The following LPIN2 variants were observed in gnomAD, a reference collection of about 807,000 sequenced individuals.
LPIN2 encodes the protein lipin 2, also known as phosphatidate phosphatase LPIN2.
Under a neutral mutation model 111.4 loss-of-function variants are expected in LPIN2, and 55 were observed. That is an observed-to-expected ratio of 0.49 (90% CI 0.40 to 0.62). LPIN2 has a LOEUF of 0.62. LPIN2 is among the 20% of genes least tolerant of loss of function. The pLI, the probability that LPIN2 is intolerant of heterozygous loss-of-function variation, is 0.00. For missense variants in LPIN2, 992 were observed against 1,112.1 expected, an observed-to-expected ratio of 0.89 and a Z score of 1.54; for synonymous variants, 425 against 414.0, an observed-to-expected ratio of 1.03 and a Z score of -0.32.
At chr18:2,955,939 C>G (rs992572018) in intron 2 of LPIN2, among the ~76,000 whole-genome samples, 1 of 151,966 alleles carries the variant, frequency 6.6e-6, no homozygotes, top group African/African-American at 2.4e-5. Flanking sequence ...CAAAACAAAA[C>G]AAAAACAAAC....
intron 1 of LPIN2, among the ~76,000 whole-genome samples, chr18:2,999,621 A>G (rs563434313): frequency 7.7e-4 from 116 of 150,432 alleles, no homozygotes; most frequent in African/African-American, 2.8e-3. Flanking sequence ...AAAAAAAAAA[A>G]GAGGAAATCT....
intron 1 of LPIN2, among the ~76,000 whole-genome samples, chr18:2,965,089 T>C (rs1212862635): frequency 2.6e-5 from 4 of 151,768 alleles, no homozygotes; most frequent in African/African-American, 7.3e-5. Context: ...CTAGATTAAG[T>C]ATTGGGAGCT....
chr18:2,937,960 T>G lies in LPIN2; in HGVS notation c.900A>C (p.Val300=). Residue 300 remains valine (V), a synonymous_variant, in exon 7 of 20, where the codon GTA becomes GTC. Coordinates refer to ENST00000677752, the MANE Select transcript of LPIN2 (RefSeq NM_001375808.2). ...TGATGAGGTTGTCCTCACTGGGAAT[T>G]ACCCGAAAATGAGTATTTTCTGATG... is the stretch of plus-strand genomic sequence containing the variant. ...ITPSENTHFR[V]IPSEDNLISE... 6.2e-7 allele frequency: 1 copy of G among 1,614,180 alleles called. No homozygotes were observed. The highest frequency in any genetic ancestry group is 8.5e-7 in the Non-Finnish European group (1 of 1,180,014).
Position 2,931,272 on chromosome 18 carries a change from A to C in LPIN2, c.1440T>G (p.Asn480Lys). The change falls in exon 9 of 20, where the codon AAT becomes AAG. Residue 480 changes from asparagine to lysine, a missense_variant. This residue lies in a region of LPIN2 where 709 missense variants were observed against 753.2 expected (regional missense o/e 0.94). Coordinates refer to ENST00000677752, the MANE Select transcript of LPIN2 (RefSeq NM_001375808.2). ...CCAACGTACCTTTTGAAATTTCTCC[A>C]TTTTCACTGAGGCCCCCGCAAAGGG... ...TLSLCGGLSE[N>K]GEISKEKFME... 1 of 1,614,082 alleles carries C rather than the reference A, an allele frequency of 6.2e-7. No individual in the cohort carries two copies. The highest frequency in any genetic ancestry group is 2.2e-5 in the East Asian group (1 of 44,874).
At chr18:2,987,811 G>A (rs1342081667) in intron 1 of LPIN2, among the ~76,000 whole-genome samples, 2 of 151,882 alleles carry the variant, frequency 1.3e-5, no homozygotes, top group African/African-American at 4.8e-5. Context: ...AATCCAGGAG[G>A]GTGGATCACT....
chr18:2,967,165 TTGAGA>T (rs1011716854), intron 1 of LPIN2: 4 of 152,158 alleles, frequency 2.6e-5, no homozygotes, highest in Non-Finnish European at 5.9e-5. Context: ...AAATTTGAGA[TTGAGA>T]TAAGAGGTGT....
In LPIN2 at chr18:2,939,551, G is replaced by C; in HGVS notation, c.751C>G (p.Pro251Ala). The C allele has an allele frequency of 2.5e-6, 4 of 1,614,072 alleles. No homozygotes were observed. ...TCTGATCTGAGCAGGCTCTCCGCAG[G>C]TTTCACCTCCAGCTCTGAATCACTC... ...PKSDSELEVK[P>A]AESLLRSESH... The change falls in exon 6 of 20, where the codon CCT (proline) becomes GCT (alanine). Residue 251 changes from proline to alanine, a missense_variant. Pro to Ala is a conservative substitution (Grantham distance 27). This residue lies in a region of LPIN2 where 709 missense variants were observed against 753.2 expected (regional missense o/e 0.94). Transcript: ENST00000677752.
chr18:2,960,514 TAAA>T (rs376940122), intron 2 of LPIN2, 132 bp downstream of exon 2: 186 of 737,586 alleles, frequency 2.5e-4, no homozygotes, highest in Non-Finnish European at 3.1e-4. Context: ...TCATTCAGGT[TAAA>T]AAAAAAAAAA....
chr18:3,010,984 G>A (rs1444169646), intron 1 of LPIN2, among the ~76,000 whole-genome samples: 1 of 152,136 alleles, frequency 6.6e-6, no homozygotes, highest in Non-Finnish European at 1.5e-5. Flanking sequence ...CCAGGTCACT[G>A]GTAAGGACAA....
At chr18:2,987,625 T>TG (rs1322374417) in intron 1 of LPIN2, among the ~76,000 whole-genome samples, 1 of 152,178 alleles carries the variant, frequency 6.6e-6, no homozygotes, top group Non-Finnish European at 1.5e-5. Context: ...AAACTGGTGA[T>TG]GGTTGTTTAA....
At chr18:2,974,980 C>A (rs998728660) in intron 1 of LPIN2, among the ~76,000 whole-genome samples, 6 of 152,160 alleles carry the variant, frequency 3.9e-5, no homozygotes, top group African/African-American at 1.4e-4. Context: ...GCCTAGGCAA[C>A]AGAGCAAGAT....
intron 1 of LPIN2, among the ~76,000 whole-genome samples, chr18:2,964,589 C>G (rs1046073003): frequency 1.3e-5 from 2 of 149,854 alleles, no homozygotes; most frequent in Non-Finnish European, 3.0e-5. Context: ...TCGGCTGGCA[C>G]TTTGATCTGT....
At chr18:2,926,306 G>A (rs1272915033) in intron 13 of LPIN2, among the ~76,000 whole-genome samples, 3 of 152,170 alleles carry the variant, frequency 2.0e-5, no homozygotes, top group Non-Finnish European at 2.9e-5. Flanking sequence ...ACGGCGTATC[G>A]CGAGCAACTC....
intron 1 of LPIN2, among the ~76,000 whole-genome samples, chr18:2,980,858 A>T (rs1378281707): frequency 6.6e-6 from 1 of 152,232 alleles, no homozygotes; most frequent in East Asian, 1.9e-4. Context: ...TCTGAGGATT[A>T]CAAGTTTGGC....
chr18:2,950,945 G>A, intron 4 of LPIN2, 110 bp downstream of exon 4: 1 of 1,188,326 alleles, frequency 8.4e-7, no homozygotes, highest in Non-Finnish European at 1.3e-6. Context: ...TGTAAAGGGG[G>A]AAAACAAGCC....
chr18:2,972,176 C>G (rs887383253), intron 1 of LPIN2, among the ~76,000 whole-genome samples: 1 of 152,198 alleles, frequency 6.6e-6, no homozygotes, highest in Non-Finnish European at 1.5e-5. Flanking sequence ...GAAGACCTCA[C>G]AGAGAAAAAC....
rs2077442060 is a variant in LPIN2, at chr18:2,945,779, A to G, written c.591-5067T>C. The G allele has an allele frequency of 2.7e-5, 34 of 1,268,202 alleles. No individual in the cohort carries two copies. In the South Asian group the frequency reaches 3.3e-4, roughly 12 times the overall value. The allele number at this position is 1,268,202 out of a possible 1,614,324, so 78.6% of individuals were successfully genotyped here. ...ACAATGTGCTATTTGCTTCTACTCG[A>G]CTAAGTTCTGGAAGTGAATTTTTAG... On this transcript the variant is annotated intron_variant, in intron 4 of 19. Transcript: ENST00000677752.
At chr18:3,007,422 G>C (rs560012291) in intron 1 of LPIN2, among the ~76,000 whole-genome samples, 2 of 152,232 alleles carry the variant, frequency 1.3e-5, no homozygotes, top group East Asian at 3.9e-4. Context: ...CCGCCCGCCT[G>C]GGCCTCCCAA....
Position 2,925,867 on chromosome 18 carries a change from G to A in LPIN2, c.1794-499C>T, listed in dbSNP as rs2077123554. ...CGGAACATTTAAAAATTAGCCAGGG[G>A]TAGTGACACTTGTCTGTGGTCCTAA... On this transcript the variant is annotated intron_variant, in intron 13 of 19. Transcript: ENST00000677752. The surrounding 1 kb of genome is among the most constrained non-coding windows in gnomAD (Gnocchi z 4.1). 6.6e-6 allele frequency among the ~76,000 whole-genome samples: 1 copy of A among 151,940 alleles called. No individual in the cohort carries two copies. The highest frequency in any genetic ancestry group is 1.5e-5 in the Non-Finnish European group (1 of 67,990).
Sources: allele counts gnomAD v4.1 joint callset (sites outside exome capture counted in the v4.1 genomes callset), GRCh38; gene constraint gnomAD v4.1.1; regional missense constraint gnomAD v4.1.1; non-coding constraint Gnocchi (gnomAD v3.1); transcripts MANE v1.5; gene names NCBI Gene and HGNC (gene_info 2026-07-23, HGNC 2026-07-21).